GYG1: variants seen among roughly 807,000 people sequenced by gnomAD.
The protein encoded by GYG1 is glycogenin 1.
Under a neutral mutation model 41.9 loss-of-function variants are expected in GYG1, and 44 were observed. The observed-to-expected ratio is 1.05, with a 90% CI of 0.83 to 1.35. GYG1 has a LOEUF of 1.35. Among genes scored for constraint, GYG1 ranks in the 40% most tolerant of loss-of-function variants. The pLI, the probability that GYG1 is intolerant of heterozygous loss-of-function variation, is 0.00. For missense variants in GYG1, 429 were observed against 418.9 expected, an observed-to-expected ratio of 1.02 and a Z score of -0.21; for synonymous variants, 141 against 158.1, an observed-to-expected ratio of 0.89 and a Z score of 0.81.
At chr3:149,014,096 C>T (rs899166895) in intron 5 of GYG1, among the ~76,000 whole-genome samples, 1 of 151,928 alleles carries the variant, frequency 6.6e-6, no homozygotes, top group African/African-American at 2.4e-5. Context: ...GCACATGGCA[C>T]AGTCTGTCAT....
intron 4 of GYG1, among the ~76,000 whole-genome samples, chr3:149,003,764 T>G (rs1000038641): frequency 1.3e-5 from 2 of 152,116 alleles, no homozygotes; most frequent in South Asian, 4.2e-4. Context: ...AGGAGCACTA[T>G]TATAGGGGGA....
intron 4 of GYG1, among the ~76,000 whole-genome samples, chr3:148,997,228 T>G (rs140824235): frequency 6.6e-6 from 1 of 152,346 alleles, no homozygotes; most frequent in East Asian, 1.9e-4. Context: ...TGAAAAACTT[T>G]AACATCTGTC....
rs140354288 is a variant in GYG1 at position 148,994,039 on chromosome 3, G to C, written c.8-103G>C. The C allele has an allele frequency of 3.6e-4, 353 of 990,064 alleles. 1 individual carries two copies. The African/African-American group carries it at 5.2e-3, about 15-fold the overall frequency. The allele number at this position is 990,064 out of a possible 1,614,324, so 61.3% of individuals were successfully genotyped here. A position where few individuals can be genotyped will look rare whatever the true frequency, so the allele number is the denominator to read the frequency against. Reference sequence around the variant, plus strand: ...TGATTCATAGAGAAAGTTGATGTTAGAGGAACTGGTTTTGCTGAATTACTG... The same window carrying C: ...TGATTCATAGAGAAAGTTGATGTTACAGGAACTGGTTTTGCTGAATTACTG... On this transcript the variant is annotated intron_variant, in intron 1 of 7. Coordinates refer to ENST00000345003, the MANE Select transcript of GYG1 (RefSeq NM_004130.4).
At chr3:149,020,163 C>T (rs766320295) in intron 5 of GYG1, among the ~76,000 whole-genome samples, 1 of 152,186 alleles carries the variant, frequency 6.6e-6, no homozygotes, top group Non-Finnish European at 1.5e-5. Flanking sequence ...CTGCATCCTT[C>T]TGAAAAGTCT....
At chr3:149,017,178 A>G (rs1714095222) in intron 5 of GYG1, among the ~76,000 whole-genome samples, 1 of 152,242 alleles carries the variant, frequency 6.6e-6, no homozygotes, top group Non-Finnish European at 1.5e-5. Flanking sequence ...TTTTGGTAAC[A>G]TCAGGTCACA....
At position 149,026,798 on chromosome 3, in the gene GYG1, G is replaced by A. The variant is rs373972032; in HGVS notation, c.918G>A (p.Gly306=). ...GAGCCATATCACATCTGTCCCTTGGGGAGATCCCAGCTATGGCACAGCCGT... is the reference window on the plus strand; with the variant it reads ...GAGCCATATCACATCTGTCCCTTGGAGAGATCCCAGCTATGGCACAGCCGT... The part of the protein sequence containing the change: ...VSGAISHLSL[G]EIPAMAQPFV... The change falls in exon 8 of 8, where the codon GGG becomes GGA. Residue 306 remains glycine (G), a synonymous_variant. Transcript: ENST00000345003. The A allele has an allele frequency of 6.8e-6, 11 of 1,613,672 alleles. No individual in the cohort carries two copies. Among genetic ancestry groups the A allele is most frequent in the South Asian group, 6.6e-5 (6 of 91,074 alleles).
At chr3:149,003,719 G>A (rs1713236082) in intron 4 of GYG1, among the ~76,000 whole-genome samples, 1 of 152,116 alleles carries the variant, frequency 6.6e-6, no homozygotes, top group African/African-American at 2.4e-5. Context: ...GCTCCCAGGT[G>A]ATGCCCATGC....
At chr3:149,022,200 G>C (rs1469792458) in intron 5 of GYG1, among the ~76,000 whole-genome samples, 1 of 152,066 alleles carries the variant, frequency 6.6e-6, no homozygotes, top group African/African-American at 2.4e-5. Context: ...TTTGGTTTTT[G>C]TTTTTATATA....
In GYG1 at chr3:149,029,783, A is replaced by G. The variant is rs142536154; in HGVS notation, c.*2850A>G. On this transcript the variant is annotated 3_prime_UTR_variant, in exon 8 of 8. Coordinates refer to ENST00000345003, the MANE Select transcript of GYG1 (RefSeq NM_004130.4). ...AGGGTTAGTTTGTATTTCCAATTCTAGAGCTGTAATTTTAAGGACAAAATG... is the reference window on the plus strand; with the variant it reads ...AGGGTTAGTTTGTATTTCCAATTCTGGAGCTGTAATTTTAAGGACAAAATG... Among the ~76,000 whole-genome samples, 7 of 152,360 alleles carry G rather than the reference A, an allele frequency of 4.6e-5. No homozygotes were observed. Among genetic ancestry groups the G allele is most frequent in the African/African-American group, 1.7e-4 (7 of 41,582 alleles).
intron 5 of GYG1, among the ~76,000 whole-genome samples, chr3:149,017,063 G>A (rs969187395): frequency 3.3e-5 from 5 of 152,224 alleles, no homozygotes; most frequent in African/African-American, 1.2e-4. Context: ...TGTGTGTGCT[G>A]TCATAAACCA....
At chr3:149,000,310 A>C (rs1713022589) in intron 4 of GYG1, among the ~76,000 whole-genome samples, 1 of 152,208 alleles carries the variant, frequency 6.6e-6, no homozygotes. Context: ...GTATTTTCAA[A>C]CTGTCTTGGC....
intron 5 of GYG1, among the ~76,000 whole-genome samples, chr3:149,015,427 G>A (rs1280129002): frequency 1.3e-5 from 2 of 152,146 alleles, no homozygotes; most frequent in Admixed American, 6.5e-5. Context: ...AAGATAATAG[G>A]GACAAGAGAA....
Position 148,996,865 on chromosome 3 carries a change from C to A in GYG1, c.442C>A (p.Gln148Lys), listed in dbSNP as rs1486386115. The A allele has an allele frequency of 5.0e-6, 8 of 1,613,640 alleles. No homozygotes were observed. The highest frequency in any genetic ancestry group is 5.1e-6 in the Non-Finnish European group (6 of 1,179,632). The change falls in exon 4 of 8, where the codon CAG (glutamine) becomes AAG (lysine). Residue 148 changes from glutamine to lysine, a missense_variant. By Grantham distance (53) the Gln-to-Lys change is moderately conservative. Transcript: ENST00000345003. ...TCAGCCTTCAGTTGAAACATACAAT[C>A]AGCTGTTGCATCTTGCTTCTGAGCA... The part of the protein sequence containing the change: ...VYQPSVETYN[Q>K]LLHLASEQGS...
chr3:149,022,833 T>G (rs1714446971), intron 5 of GYG1, among the ~76,000 whole-genome samples: 1 of 152,082 alleles, frequency 6.6e-6, no homozygotes, highest in Non-Finnish European at 1.5e-5. Flanking sequence ...TATATGTAAT[T>G]GTTTGACCCG....
At chr3:149,018,855 A>G (rs1714211590) in intron 5 of GYG1, among the ~76,000 whole-genome samples, 1 of 151,964 alleles carries the variant, frequency 6.6e-6, no homozygotes, top group African/African-American at 2.4e-5. Flanking sequence ...GATCGCTTGA[A>G]TAGCCTGGGC....
chr3:148,996,632 G>A, intron 3 of GYG1, 110 bp from the exon 4 acceptor site: 1 of 1,234,172 alleles, frequency 8.1e-7, no homozygotes. Flanking sequence ...GGAGGCCCAG[G>A]CTGCCTTACA....
Position 149,013,377 on chromosome 3 carries a change from TC to T in GYG1, c.608+3977del, listed in dbSNP as rs1057044030. On this transcript the variant is annotated intron_variant, in intron 5 of 7. Coordinates refer to ENST00000345003, the MANE Select transcript of GYG1 (RefSeq NM_004130.4). ...AGTTTCATTTTTGCTTTCTATTATA[TC>T]CACTGACTAAACGCTCTCTAGGAAT... Among the ~76,000 whole-genome samples, 9 of 152,320 alleles carry T rather than the reference TC, an allele frequency of 5.9e-5. 1 individual carries two copies. The highest frequency in any genetic ancestry group is 2.2e-4 in the African/African-American group (9 of 41,576).
Position 149,028,878 on chromosome 3 carries a change from G to A in GYG1, c.*1945G>A, listed in dbSNP as rs1427911817. On this transcript the variant is annotated 3_prime_UTR_variant, in exon 8 of 8. Transcript: ENST00000345003. ...TGGGACTACAGGCACGCACCACCAC[G>A]CCCAGCTAAATTTTGTATTTTTAGT... Among the ~76,000 whole-genome samples, 1 of 151,690 alleles carries A rather than the reference G, an allele frequency of 6.6e-6. No individual in the cohort carries two copies. Among genetic ancestry groups the A allele is most frequent in the Non-Finnish European group, 1.5e-5 (1 of 67,934 alleles).
At chr3:149,016,282 AAG>A (rs1714032537) in intron 5 of GYG1, among the ~76,000 whole-genome samples, 1 of 151,284 alleles carries the variant, frequency 6.6e-6, no homozygotes, top group African/African-American at 2.4e-5. Flanking sequence ...AAAAACAAAA[AAG>A]AAAAAAAAAA....
Sources: gnomAD v4.1 joint callset for allele counts (sites outside exome capture counted in the v4.1 genomes callset) on GRCh38, gnomAD v4.1.1 for gene constraint, MANE v1.5 for transcripts, NCBI Gene and HGNC (gene_info 2026-07-23, HGNC 2026-07-21) for gene names.